The following ADAMTS17 variants were observed in gnomAD, a reference collection of about 807,000 sequenced individuals.
ADAMTS17 encodes ADAM metallopeptidase with thrombospondin type 1 motif 17.
Under a neutral mutation model 141.5 loss-of-function variants are expected in ADAMTS17, and 113 were observed. The ratio of observed to expected loss-of-function variants is 0.80; its 90% CI spans 0.69 to 0.93. The LOEUF is 0.93. Among genes scored for constraint, ADAMTS17 ranks in the 40% least tolerant of loss-of-function variants. The pLI is 0.00. For missense variants in ADAMTS17, 1,659 were observed against 1,517.9 expected, an observed-to-expected ratio of 1.09 and a Z score of -1.54; for synonymous variants, 768 against 630.6, an observed-to-expected ratio of 1.22 and a Z score of -3.27.
Position 100,144,409 on chromosome 15 carries a change from G to T in ADAMTS17, c.1473+8203C>A, listed in dbSNP as rs539393757. Among the ~76,000 whole-genome samples, 7 of 152,268 alleles carry T rather than the reference G, an allele frequency of 4.6e-5. No homozygotes were observed. In the South Asian group the frequency reaches 1.5e-3, roughly 32 times the overall value. The stretch of plus-strand genomic sequence containing the variant: ...TACTAAAAATACAAAAATTAGCCGG[G>T]CGTGGTGGAAGGCACCTGTAATCCC... On this transcript the variant is annotated intron_variant, in intron 10 of 21. Transcript: ENST00000268070.
intron 3 of ADAMTS17, among the ~76,000 whole-genome samples, chr15:100,324,234 G>T (rs2045828808): frequency 6.6e-6 from 1 of 151,966 alleles, no homozygotes; most frequent in African/African-American, 2.4e-5. Context: ...GAACCCGGGA[G>T]ACAGATTTTG....
intron 20 of ADAMTS17, among the ~76,000 whole-genome samples, chr15:99,976,800 T>C (rs1011334222): frequency 6.6e-6 from 1 of 152,198 alleles, no homozygotes; most frequent in Non-Finnish European, 1.5e-5. Flanking sequence ...CTGTAAGGAA[T>C]AAATGTTTAA....
At chr15:100,203,475 G>A (rs1383320221) in intron 7 of ADAMTS17, among the ~76,000 whole-genome samples, 1 of 152,250 alleles carries the variant, frequency 6.6e-6, no homozygotes, top group Non-Finnish European at 1.5e-5. Flanking sequence ...GGGAGACCGA[G>A]CAGGCGGATC....
At chr15:100,166,329 T>G (rs534021012) in intron 8 of ADAMTS17, among the ~76,000 whole-genome samples, 25 of 152,368 alleles carry the variant, frequency 1.6e-4, no homozygotes, top group African/African-American at 6.0e-4. Context: ...GATGATTCTT[T>G]TACAATATAC....
chr15:100,075,130 T>C (rs931467566), intron 15 of ADAMTS17, among the ~76,000 whole-genome samples: 8 of 152,190 alleles, frequency 5.3e-5, no homozygotes, highest in African/African-American at 1.9e-4. Flanking sequence ...TATTACAAAA[T>C]AAGGAAATGA....
intron 12 of ADAMTS17, among the ~76,000 whole-genome samples, chr15:100,130,321 G>A (rs1295850620): frequency 6.7e-6 from 1 of 150,092 alleles, no homozygotes; most frequent in African/African-American, 2.5e-5. Flanking sequence ...CCGAGACTGG[G>A]CCACCGCACT....
chr15:100,213,121 G>A (rs1293219786), intron 7 of ADAMTS17, among the ~76,000 whole-genome samples: 1 of 152,016 alleles, frequency 6.6e-6, no homozygotes, highest in Admixed American at 6.6e-5. Flanking sequence ...ACTCTATTCT[G>A]TTTGGACAAG....
chr15:100,059,632 A>C (rs1317203776), intron 15 of ADAMTS17, among the ~76,000 whole-genome samples: 5 of 152,216 alleles, frequency 3.3e-5, no homozygotes, highest in Admixed American at 3.3e-4. Context: ...ATCATTTTTA[A>C]CAGTGAATAA....
At position 99,997,698 on chromosome 15, in the gene ADAMTS17, A is replaced by G. The variant is rs533467085; in HGVS notation, c.2592-109T>C. On this transcript the variant is annotated intron_variant, in intron 18 of 21. Transcript: ENST00000268070. The surrounding 1 kb of genome is among the most constrained non-coding windows in gnomAD (Gnocchi z 4.7). The stretch of plus-strand genomic sequence containing the variant: ...TGCTGCCCTGTGGTGGGAGAGAGGG[A>G]GGCAGACTCAGGAAGCTTTTCAGCC... 8.5e-5 allele frequency: 117 copies of G among 1,370,386 alleles called. 1 individual carries two copies. In the African/African-American group the frequency reaches 1.5e-3, roughly 17 times the overall value. 84.9% of individuals were successfully genotyped at this position (1,370,386 alleles called of 1,614,324 possible).
intron 8 of ADAMTS17, among the ~76,000 whole-genome samples, chr15:100,174,200 C>A (rs562776329): frequency 7.2e-4 from 110 of 152,332 alleles, no homozygotes; most frequent in Non-Finnish European, 1.2e-3. Flanking sequence ...ATAATCATTT[C>A]TTGGTTAAAG....
intron 8 of ADAMTS17, among the ~76,000 whole-genome samples, chr15:100,164,742 T>C (rs1037772294): frequency 2.0e-5 from 3 of 152,346 alleles, no homozygotes; most frequent in Admixed American, 6.5e-5. Flanking sequence ...ATTCCCGTTC[T>C]TTCTCTGCAA....
chr15:100,025,673 C>G (rs912932843), intron 18 of ADAMTS17, among the ~76,000 whole-genome samples: 1 of 152,124 alleles, frequency 6.6e-6, no homozygotes, highest in African/African-American at 2.4e-5. Context: ...CTCGGCCTCC[C>G]AAAGTGCTGG....
intron 11 of ADAMTS17, 108 bp downstream of exon 11, chr15:100,133,106 A>G: frequency 9.3e-7 from 1 of 1,076,184 alleles, no homozygotes; most frequent in Non-Finnish European, 1.3e-6. Context: ...CGCCTGGGGG[A>G]TGTTTCAGGG....
chr15:100,173,382 CA>C (rs1341853493), intron 8 of ADAMTS17, among the ~76,000 whole-genome samples: 1 of 152,082 alleles, frequency 6.6e-6, no homozygotes, highest in Non-Finnish European at 1.5e-5. Flanking sequence ...ATTTACAACC[CA>C]AAGTATGCCT....
Position 100,260,141 on chromosome 15 carries a change from G to A in ADAMTS17, c.1031+1338C>T, listed in dbSNP as rs183456640. ...ATTACAGGCATGAGCCATCGCTCCC[G>A]GCTTATTCTGGGATTTTTGAAAGGA... On this transcript the variant is annotated intron_variant, in intron 6 of 21. Transcript: ENST00000268070. Among the ~76,000 whole-genome samples the A allele has an allele frequency of 2.0e-3, 307 of 152,138 alleles. 2 individuals are homozygous for A. The highest frequency in any genetic ancestry group is 0.01 in the Middle Eastern group (3 of 294).
Position 99,977,382 on chromosome 15 carries a change from ATATATATATATATATATAATTT to A in ADAMTS17, c.2950-1182_2950-1161del, listed in dbSNP as rs1567632344. On this transcript the variant is annotated intron_variant, in intron 20 of 21. Transcript: ENST00000268070. ...TATATATATATATATATATATATAT[ATATATATATATATATATAATTT>A]TTTTTTTTTTTTTTTTTTTTTTTTT... Among the ~76,000 whole-genome samples the A allele has an allele frequency of 2.4e-3, 51 of 20,938 alleles. 6 individuals are homozygous for A. The highest frequency in any genetic ancestry group is 0.011 in the African/African-American group (49 of 4,628). The allele number at this position is 20,938 out of a possible 152,430, so 13.7% of individuals were successfully genotyped here.
chr15:100,226,032 A>G (rs1380566437), intron 7 of ADAMTS17, among the ~76,000 whole-genome samples: 24 of 136,068 alleles, frequency 1.8e-4, no homozygotes, highest in Admixed American at 2.2e-4. Context: ...TAGCAGTCAC[A>G]GCCTCTGTGC....
Position 100,127,350 on chromosome 15 carries a change from G to A in ADAMTS17, c.1721+4657C>T, listed in dbSNP as rs994978974. 7.2e-5 allele frequency among the ~76,000 whole-genome samples: 11 copies of A among 152,114 alleles called. No homozygotes were observed. In the East Asian group the frequency reaches 1.2e-3, roughly 16 times the overall value. ...AGAGGACACACAGAGAAGAGACCAC[G>A]TGAAGTCAGAGGCAGAGATGGAGGT... On this transcript the variant is annotated intron_variant, in intron 12 of 21. Coordinates refer to ENST00000268070, the MANE Select transcript of ADAMTS17 (RefSeq NM_139057.4).
chr15:99,983,064 G>A (rs771308318), intron 20 of ADAMTS17, among the ~76,000 whole-genome samples: 2 of 152,136 alleles, frequency 1.3e-5, no homozygotes, highest in Non-Finnish European at 2.9e-5. Flanking sequence ...TAGAGTTTCC[G>A]GCAAAAAGAG....
Sources: allele counts gnomAD v4.1 joint callset (sites outside exome capture counted in the v4.1 genomes callset), GRCh38; gene constraint gnomAD v4.1.1; non-coding constraint Gnocchi (gnomAD v3.1); transcripts MANE v1.5; gene names NCBI Gene and HGNC (gene_info 2026-07-23, HGNC 2026-07-21).